The following PLCB4 variants were observed in gnomAD, a reference collection of about 807,000 sequenced individuals.
PLCB4 encodes the protein 1-phosphatidylinositol 4,5-bisphosphate phosphodiesterase beta-4.
In PLCB4, 77 loss-of-function variants were observed where a neutral mutation model predicts 178.8. That is an observed-to-expected ratio of 0.43 (90% CI 0.36 to 0.52). PLCB4 has a LOEUF of 0.52. Ranked by LOEUF, PLCB4 falls within the 20% of genes least tolerant of loss-of-function variation. The pLI, the probability that PLCB4 is intolerant of heterozygous loss-of-function variation, is 0.00. For missense variants in PLCB4, 1,024 were observed against 1,453.4 expected (o/e 0.70, Z 4.80); for synonymous variants, 496 against 490.8 (o/e 1.01, Z -0.14).
At chr20:9,166,134 A>C (rs1365460039) in intron 2 of PLCB4, among the ~76,000 whole-genome samples, 1 of 152,160 alleles carries the variant, frequency 6.6e-6, no homozygotes, top group East Asian at 1.9e-4. Flanking sequence ...ACATTTCCTG[A>C]ATTGTGGGCA....
intron 32 of PLCB4, among the ~76,000 whole-genome samples, chr20:9,447,973 AG>A (rs1329959686): frequency 6.6e-6 from 1 of 152,202 alleles, no homozygotes; most frequent in Non-Finnish European, 1.5e-5. Context: ...CAAGAGCTGG[AG>A]GCTTTACAAA....
chr20:9,390,579 G>A lies in PLCB4; in HGVS notation c.1287G>A (p.Gly429=), dbSNP rs776658220. The A allele has an allele frequency of 8.2e-6, 13 of 1,582,394 alleles. No homozygotes were observed. In the South Asian group the frequency reaches 1.3e-4, roughly 16 times the overall value. ...CCAAATATTGCGAAGATCTATTTGG[G>A]GATCTCCTGTTGAAACAAGCACTTG... The part of the protein sequence containing the change: ...KMSKYCEDLF[G]DLLLKQALES... Residue 429 remains glycine (G), a synonymous_variant, in exon 17 of 40, where the codon GGG becomes GGA. Transcript: ENST00000378473.
intron 1 of PLCB4, among the ~76,000 whole-genome samples, chr20:9,087,562 C>G (rs1026214845): frequency 1.3e-5 from 2 of 152,134 alleles, no homozygotes; most frequent in Non-Finnish European, 2.9e-5. Flanking sequence ...AGCTTCTCCC[C>G]TTTTTTCATT....
intron 3 of PLCB4, among the ~76,000 whole-genome samples, chr20:9,300,767 C>T (rs993920288): frequency 2.0e-5 from 3 of 152,128 alleles, no homozygotes; most frequent in East Asian, 1.9e-4. Context: ...TCAGAGCAGT[C>T]TGTACTGCAT....
chr20:9,188,184 G>A (rs1468983773), intron 2 of PLCB4, among the ~76,000 whole-genome samples: 4 of 152,252 alleles, frequency 2.6e-5, no homozygotes, highest in Non-Finnish European at 5.9e-5. Context: ...GGTAATGTGT[G>A]ATGCAGAGAA....
At chr20:9,075,219 A>G (rs1024987854) in intron 1 of PLCB4, among the ~76,000 whole-genome samples, 1 of 152,108 alleles carries the variant, frequency 6.6e-6, no homozygotes, top group African/African-American at 2.4e-5. Flanking sequence ...CCAACTTCTA[A>G]CCACCGTACT....
chr20:9,335,201 G>A (rs1219352462), intron 4 of PLCB4, among the ~76,000 whole-genome samples: 1 of 152,080 alleles, frequency 6.6e-6, no homozygotes, highest in Admixed American at 6.6e-5. Context: ...GTCTTGATTA[G>A]TTGATAATTC....
At chr20:9,280,369 A>T in intron 3 of PLCB4, 1 of 710,412 alleles carries the variant, frequency 1.4e-6, no homozygotes, top group Non-Finnish European at 1.7e-6. Context: ...TGGATTTCCA[A>T]GTTGGGAAGA....
chr20:9,080,400 C>A (rs2090087734), intron 1 of PLCB4, among the ~76,000 whole-genome samples: 1 of 149,172 alleles, frequency 6.7e-6, no homozygotes, highest in South Asian at 2.1e-4. Context: ...AACCAAGATA[C>A]TAGTCATTAG....
At chr20:9,332,102 T>C (rs1247435328) in intron 4 of PLCB4, among the ~76,000 whole-genome samples, 24 of 152,228 alleles carry the variant, frequency 1.6e-4, no homozygotes, top group Admixed American at 1.6e-3. Flanking sequence ...GAAGTTCTCT[T>C]ATGGTTTGTT....
intron 2 of PLCB4, among the ~76,000 whole-genome samples, chr20:9,127,321 C>T (rs1054738597): frequency 5.9e-5 from 9 of 151,996 alleles, no homozygotes; most frequent in Non-Finnish European, 1.2e-4. Context: ...ACATAGGAGG[C>T]ATGAGGTACT....
intron 2 of PLCB4, among the ~76,000 whole-genome samples, chr20:9,184,068 T>A (rs920753351): frequency 1.3e-5 from 2 of 152,202 alleles, no homozygotes; most frequent in African/African-American, 4.8e-5. Flanking sequence ...TTTAAAAATC[T>A]AAAGCCATTG....
chr20:9,136,176 T>G (rs2092378475), intron 2 of PLCB4, among the ~76,000 whole-genome samples: 1 of 152,114 alleles, frequency 6.6e-6, no homozygotes, highest in South Asian at 2.1e-4. Context: ...GTGAGTCTAT[T>G]TTCAGAAGTG....
chr20:9,185,572 A>T (rs1019605173), intron 2 of PLCB4, among the ~76,000 whole-genome samples: 7 of 152,008 alleles, frequency 4.6e-5, no homozygotes, highest in Admixed American at 1.3e-4. Flanking sequence ...CCTGTTCTGC[A>T]CTCAGCACCG....
At chr20:9,466,461 C>T (rs1193917707) in intron 35 of PLCB4, among the ~76,000 whole-genome samples, 5 of 152,186 alleles carry the variant, frequency 3.3e-5, no homozygotes, top group Non-Finnish European at 7.3e-5. Context: ...AGAGCTTCTG[C>T]ATGGCAAAAG....
At chr20:9,454,844 A>G (rs1406401306) in intron 33 of PLCB4, among the ~76,000 whole-genome samples, 1 of 152,218 alleles carries the variant, frequency 6.6e-6, no homozygotes, top group African/African-American at 2.4e-5. Context: ...TCAGAAAAAT[A>G]CAAATCAGGC....
rs145809393 is a variant in PLCB4 at position 9,385,541 on chromosome 20, C to T, written c.1064+1130C>T. Reference sequence around the variant, plus strand: ...GCAAAGGCGCTTCTCACATCCCAGACGGGGTGGCGGCCGGGCAAAGGCTCT... The same window carrying T: ...GCAAAGGCGCTTCTCACATCCCAGATGGGGTGGCGGCCGGGCAAAGGCTCT... On this transcript the variant is annotated intron_variant, in intron 14 of 39. Transcript: ENST00000378473. Among the ~76,000 whole-genome samples the T allele has an allele frequency of 7.0e-3, 990 of 141,720 alleles. 10 individuals carry two copies. The highest frequency in any genetic ancestry group is 0.025 in the African/African-American group (942 of 37,412). The allele number at this position is 141,720 out of a possible 152,430, so 93.0% of individuals were successfully genotyped here. A position where few individuals can be genotyped will look rare whatever the true frequency, so the allele number is the denominator to read the frequency against.
chr20:9,108,923 GA>G (rs2091475967), intron 2 of PLCB4, among the ~76,000 whole-genome samples: 2 of 150,084 alleles, frequency 1.3e-5, no homozygotes, highest in Non-Finnish European at 1.5e-5. Flanking sequence ...GAGAGAGAGA[GA>G]GAAAGAGAGA....
intron 2 of PLCB4, among the ~76,000 whole-genome samples, chr20:9,134,365 A>G (rs1446414730): frequency 1.3e-5 from 2 of 151,890 alleles, no homozygotes; most frequent in African/African-American, 4.8e-5. Context: ...TAAGTAATAA[A>G]TTAGTACTTC....
Sources: gnomAD v4.1 joint callset for allele counts (sites outside exome capture counted in the v4.1 genomes callset) on GRCh38, gnomAD v4.1.1 for gene constraint, MANE v1.5 for transcripts, NCBI Gene and HGNC (gene_info 2026-07-23, HGNC 2026-07-21) for gene names.